Variants in VPS13B observed in about 807,000 individuals in gnomAD.
VPS13B encodes the protein intermembrane lipid transfer protein VPS13B.
VPS13B carries 285 observed loss-of-function variants against 426.4 expected under a neutral mutation model. The ratio of observed to expected loss-of-function variants is 0.67; its 90% CI spans 0.61 to 0.74. VPS13B has a LOEUF of 0.74. Ranked by LOEUF, VPS13B falls within the 30% of genes least tolerant of loss-of-function variation. The pLI, the probability that VPS13B is intolerant of heterozygous loss-of-function variation, is 0.00. For missense variants in VPS13B, 4,537 were observed against 4,782.6 expected (o/e 0.95, Z 1.51); for synonymous variants, 1,676 against 1,676.4 (o/e 1.00, Z 0.01).
intron 20 of VPS13B, among the ~76,000 whole-genome samples, chr8:99,386,365 C>A (rs1036163086): frequency 9.9e-5 from 15 of 152,118 alleles, no homozygotes; most frequent in African/African-American, 3.1e-4. Flanking sequence ...CATCATTAGG[C>A]AATTTTGTTG....
At chr8:99,018,215 G>A (rs1182197185) in intron 2 of VPS13B, among the ~76,000 whole-genome samples, 13 of 151,992 alleles carry the variant, frequency 8.6e-5, no homozygotes, top group African/African-American at 2.4e-5. Flanking sequence ...GCAAAACCTC[G>A]TCTCTACTAA....
intron 51 of VPS13B, among the ~76,000 whole-genome samples, chr8:99,831,344 T>A (rs1815048524): frequency 6.6e-6 from 1 of 152,156 alleles, no homozygotes; most frequent in African/African-American, 2.4e-5. Context: ...TTGCTAGGAT[T>A]ACAGACATGA....
At chr8:99,266,496 A>G (rs1818311597) in intron 17 of VPS13B, among the ~76,000 whole-genome samples, 1 of 152,124 alleles carries the variant, frequency 6.6e-6, no homozygotes, top group Non-Finnish European at 1.5e-5. Flanking sequence ...TCAGAAAAGT[A>G]CTAGGAGGAT....
At chr8:99,662,717 G>A (rs546268549) in intron 35 of VPS13B, among the ~76,000 whole-genome samples, 110 of 151,910 alleles carry the variant, frequency 7.2e-4, no homozygotes, top group Non-Finnish European at 1.2e-3. Context: ...TAACGTGCTG[G>A]GATTACAGGT....
At chr8:99,482,667 T>C (rs1820105409) in intron 25 of VPS13B, among the ~76,000 whole-genome samples, 1 of 152,192 alleles carries the variant, frequency 6.6e-6, no homozygotes, top group Non-Finnish European at 1.5e-5. Flanking sequence ...CACAGTTCAA[T>C]CTTTCATTAT....
In VPS13B at chr8:99,170,121, G is replaced by A. The variant is rs1410139713; in HGVS notation, c.2291G>A (p.Ser764Asn). Residue 764 changes from serine to asparagine, a missense_variant, in exon 16 of 62, where the codon AGC becomes AAC. This residue lies in a region of VPS13B where 4,311 missense variants were observed against 4,474.3 expected (regional missense o/e 0.96). Transcript: ENST00000357162. ...CCTGTACCAGTTATTCCCTCTTTCA[G>A]CACTGCTCTTTATGGGAAACTTCTG... ...CLPVPVIPSF[S>N]TALYGKLLKL... is the part of the protein sequence containing the mutation. 6.2e-7 allele frequency: 1 copy of A among 1,612,878 alleles called. No individual in the cohort carries two copies. The highest frequency in any genetic ancestry group is 8.5e-7 in the Non-Finnish European group (1 of 1,179,050).
intron 51 of VPS13B, among the ~76,000 whole-genome samples, chr8:99,827,969 G>A (rs1271665308): frequency 2.6e-5 from 4 of 152,028 alleles, no homozygotes; most frequent in Admixed American, 2.6e-4. Flanking sequence ...CTGTTCTTTT[G>A]TATTTGTTGA....
chr8:99,089,942 G>A (rs912514454), intron 3 of VPS13B, among the ~76,000 whole-genome samples: 1 of 152,046 alleles, frequency 6.6e-6, no homozygotes, highest in Non-Finnish European at 1.5e-5. Flanking sequence ...GGTAGAATTT[G>A]GTGTCTTATT....
intron 36 of VPS13B, among the ~76,000 whole-genome samples, chr8:99,716,256 A>G (rs942712550): frequency 4.6e-5 from 7 of 152,166 alleles, no homozygotes; most frequent in Admixed American, 1.3e-4. Flanking sequence ...TGAAAAGTCA[A>G]TGTGGTTACT....
chr8:99,203,489 C>T (rs1319337635), intron 17 of VPS13B, among the ~76,000 whole-genome samples: 1 of 152,146 alleles, frequency 6.6e-6, no homozygotes, highest in East Asian at 1.9e-4. Flanking sequence ...TCCTATTCAA[C>T]ATAGTATTGG....
chr8:99,345,319 C>T (rs1811479843), intron 19 of VPS13B, among the ~76,000 whole-genome samples: 1 of 152,150 alleles, frequency 6.6e-6, no homozygotes, highest in Non-Finnish European at 1.5e-5. Context: ...CCTTAACCTT[C>T]TTTTTCAAAA....
At chr8:99,770,654 G>A (rs1200943484) in intron 40 of VPS13B, among the ~76,000 whole-genome samples, 2 of 152,180 alleles carry the variant, frequency 1.3e-5, no homozygotes, top group Admixed American at 6.5e-5. Flanking sequence ...AATGTACAGA[G>A]ATCTGGCTGC....
intron 39 of VPS13B, among the ~76,000 whole-genome samples, chr8:99,734,885 T>C (rs575311573): frequency 6.6e-6 from 1 of 152,288 alleles, no homozygotes; most frequent in East Asian, 1.9e-4. Flanking sequence ...ATGACCCTAT[T>C]CTAAATGACT....
intron 28 of VPS13B, chr8:99,507,686 T>A: frequency 1.9e-6 from 3 of 1,587,414 alleles, no homozygotes; most frequent in Non-Finnish European, 2.6e-6. Context: ...GAGGAGAATT[T>A]AAAACTATCC....
chr8:99,551,363 T>C (rs978344747), intron 30 of VPS13B, among the ~76,000 whole-genome samples: 16 of 152,054 alleles, frequency 1.1e-4, no homozygotes, highest in African/African-American at 3.9e-4. Context: ...ATGTTGACTC[T>C]TTCTGTGCCC....
At chr8:99,696,652 A>G in intron 35 of VPS13B, 1 of 712,186 alleles carries the variant, frequency 1.4e-6, no homozygotes, top group Non-Finnish European at 2.6e-6. Context: ...GAGTTCCTCC[A>G]GGACACCATC....
At chr8:99,289,658 T>G (rs911666317) in intron 19 of VPS13B, among the ~76,000 whole-genome samples, 5 of 152,072 alleles carry the variant, frequency 3.3e-5, no homozygotes, top group African/African-American at 1.2e-4. Flanking sequence ...AATAATCTTT[T>G]CAGGAAGAAA....
rs1258521437 is a variant in VPS13B, at chr8:99,317,336, A to C, written c.2824+42082A>C. ...TAATGATTAAATCAGGGTAATTAGC[A>C]TATCCATCACCTCAAACACTTGTCA... On this transcript the variant is annotated intron_variant, in intron 19 of 61. Coordinates refer to ENST00000357162, the MANE Select transcript of VPS13B (RefSeq NM_152564.5). Among the ~76,000 whole-genome samples the C allele has an allele frequency of 2.6e-5, 4 of 152,230 alleles. No individual in the cohort carries two copies. The East Asian group carries it at 7.7e-4, about 29-fold the overall frequency.
intron 19 of VPS13B, among the ~76,000 whole-genome samples, chr8:99,370,848 C>G (rs1813140437): frequency 6.6e-6 from 1 of 151,966 alleles, no homozygotes; most frequent in Non-Finnish European, 1.5e-5. Context: ...AGACTCAAGT[C>G]ATCCGCCCAT....
Sources: allele counts gnomAD v4.1 joint callset (sites outside exome capture counted in the v4.1 genomes callset), GRCh38; gene constraint gnomAD v4.1.1; regional missense constraint gnomAD v4.1.1; transcripts MANE v1.5; gene names NCBI Gene and HGNC (gene_info 2026-07-23, HGNC 2026-07-21).